The following APBB2 variants were observed in gnomAD, a reference collection of about 807,000 sequenced individuals.
APBB2 encodes the protein amyloid beta precursor protein binding family B member 2.
APBB2 carries 38 observed loss-of-function variants against 82.5 expected under a neutral mutation model. The ratio of observed to expected loss-of-function variants is 0.46; its 90% confidence interval spans 0.36 to 0.60. APBB2 has a LOEUF of 0.60. APBB2 is among the 20% of genes least tolerant of loss of function. The probability of loss-of-function intolerance (pLI) is 0.00; values close to 1 mark genes in which losing one functional copy is unlikely to be tolerated. For synonymous variants in APBB2, 341 were observed against 368.2 expected (o/e 0.93, Z 0.85); for missense variants, 772 against 972.3 (o/e 0.79, Z 2.74).
intron 3 of APBB2, among the ~76,000 whole-genome samples, chr4:41,068,872 T>C (rs1276663642): frequency 7.1e-6 from 1 of 141,102 alleles, no homozygotes; most frequent in African/African-American, 2.7e-5. Context: ...CTCAGCTTAC[T>C]GCAACCTCCG....
chr4:40,922,433 G>A (rs1310064960), intron 10 of APBB2, among the ~76,000 whole-genome samples: 1 of 152,200 alleles, frequency 6.6e-6, no homozygotes, highest in East Asian at 1.9e-4. Flanking sequence ...TGAAAATGTG[G>A]AAGGCTGACT....
At chr4:41,041,687 A>G (rs74911432) in intron 4 of APBB2, among the ~76,000 whole-genome samples, 2,055 of 152,314 alleles carry the variant, frequency 0.013, 51 homozygotes, top group African/African-American at 0.047. Context: ...AAAATACTTA[A>G]GGACATTGAT....
At chr4:41,208,116 C>A (rs1778408200) in intron 1 of APBB2, among the ~76,000 whole-genome samples, 1 of 152,216 alleles carries the variant, frequency 6.6e-6, no homozygotes, top group Admixed American at 6.5e-5. Context: ...ACTTACACGA[C>A]AGGGACACAT....
chr4:41,088,260 G>C (rs1256695346), intron 3 of APBB2, among the ~76,000 whole-genome samples: 4 of 152,154 alleles, frequency 2.6e-5, no homozygotes, highest in African/African-American at 9.7e-5. Context: ...CTAAAGGTCA[G>C]GAGTATTACC....
intron 6 of APBB2, among the ~76,000 whole-genome samples, chr4:41,001,464 G>A (rs1215043009): frequency 6.6e-6 from 1 of 152,198 alleles, no homozygotes; most frequent in Non-Finnish European, 1.5e-5. Flanking sequence ...TCTATATGAA[G>A]AATTCTTCAA....
intron 6 of APBB2, among the ~76,000 whole-genome samples, chr4:40,982,458 AAT>A (rs879473422): frequency 0.06 from 4,891 of 81,204 alleles, 764 homozygotes; most frequent in South Asian, 0.09. Context: ...AGAAAGAATG[AAT>A]GAATTTGAGA....
At chr4:41,166,997 G>A (rs1766848013) in intron 1 of APBB2, among the ~76,000 whole-genome samples, 2 of 152,178 alleles carry the variant, frequency 1.3e-5, no homozygotes, top group Non-Finnish European at 2.9e-5. Context: ...CTTCTGTCTT[G>A]GCTACAAATT....
At chr4:41,160,857 G>A (rs1330283693) in intron 1 of APBB2, among the ~76,000 whole-genome samples, 1 of 152,200 alleles carries the variant, frequency 6.6e-6, no homozygotes, top group East Asian at 1.9e-4. Context: ...ACCACTTATT[G>A]AACCATTACT....
At chr4:40,821,424 A>G (rs756602306) in intron 17 of APBB2, among the ~76,000 whole-genome samples, 30 of 150,126 alleles carry the variant, frequency 2.0e-4, no homozygotes, top group Non-Finnish European at 4.1e-4. Context: ...ACAACTACCT[A>G]ACAGAGTTGT....
chr4:40,935,345 G>A, intron 7 of APBB2: 1 of 511,678 alleles, frequency 2.0e-6, no homozygotes, highest in Non-Finnish European at 3.4e-6. Context: ...GAGAGTGATG[G>A]TGCTTTAATT....
chr4:41,082,434 G>A (rs1737980429), intron 3 of APBB2, among the ~76,000 whole-genome samples: 1 of 152,110 alleles, frequency 6.6e-6, no homozygotes, highest in Admixed American at 6.5e-5. Flanking sequence ...TATTTTCTTG[G>A]AGGATATATA....
At chr4:41,056,946 T>C (rs556295816) in intron 4 of APBB2, among the ~76,000 whole-genome samples, 3 of 152,210 alleles carry the variant, frequency 2.0e-5, no homozygotes, top group Non-Finnish European at 2.9e-5. Flanking sequence ...TTTATTGGTA[T>C]TGAGTTCCAA....
At chr4:41,003,863 C>A (rs1282370553) in intron 6 of APBB2, among the ~76,000 whole-genome samples, 1 of 152,186 alleles carries the variant, frequency 6.6e-6, no homozygotes. Context: ...CAGGCACCTG[C>A]CACCATGTCC....
chr4:41,020,208 C>T (rs1043279280), intron 5 of APBB2, among the ~76,000 whole-genome samples: 15 of 152,172 alleles, frequency 9.9e-5, no homozygotes, highest in Non-Finnish European at 1.9e-4. Context: ...GGGTGTAACC[C>T]GAAAGCACTG....
rs1415819462 is a variant in APBB2, at chr4:40,890,374, C to T, written c.1519G>A (p.Asp507Asn). 1.9e-6 allele frequency: 3 copies of T among 1,612,474 alleles called. No individual in the cohort carries two copies. Among genetic ancestry groups the T allele is most frequent in the Non-Finnish European group, 2.5e-6 (3 of 1,179,700 alleles). ...CACCCAGGGACTCACCGGCCATTGT[C>T]GCGGCCCACGCCCCACACGCGGATG... is the stretch of plus-strand genomic sequence containing the variant. Reference protein sequence around the residue: ...VSIRVWGVGRDNGRDFAYVAR... With the variant: ...VSIRVWGVGRNNGRDFAYVAR... The change falls in exon 12 of 18, where the codon GAC becomes AAC. Residue 507 changes from aspartate to asparagine, a missense_variant. By Grantham distance (23) the Asp-to-Asn change is conservative. Coordinates refer to ENST00000508593, the MANE Select transcript of APBB2 (RefSeq NM_004307.2).
intron 6 of APBB2, among the ~76,000 whole-genome samples, chr4:40,975,380 T>C (rs1476259214): frequency 6.6e-6 from 1 of 152,154 alleles, no homozygotes; most frequent in Non-Finnish European, 1.5e-5. Context: ...AAATTACTAA[T>C]CCAGTTCTCC....
intron 6 of APBB2, among the ~76,000 whole-genome samples, chr4:41,006,358 A>AT (rs1364427489): frequency 1.3e-5 from 2 of 152,258 alleles, no homozygotes; most frequent in Admixed American, 6.5e-5. Context: ...CTGAGAAGAC[A>AT]TAACAGGAAG....
At chr4:41,159,102 A>T (rs1167215630) in intron 1 of APBB2, among the ~76,000 whole-genome samples, 1 of 152,226 alleles carries the variant, frequency 6.6e-6, no homozygotes, top group Non-Finnish European at 1.5e-5. Context: ...TGTAGGAAGG[A>T]GTTCTCCACT....
At chr4:40,898,028 G>C (rs191411489) in intron 10 of APBB2, among the ~76,000 whole-genome samples, 64 of 152,250 alleles carry the variant, frequency 4.2e-4, no homozygotes, top group Admixed American at 3.4e-3. Context: ...ATGGTTCAGG[G>C]TAGAACCGTG....
Sources: gnomAD v4.1 joint callset for allele counts (sites outside exome capture counted in the v4.1 genomes callset) on GRCh38, gnomAD v4.1.1 for gene constraint, MANE v1.5 for transcripts, NCBI Gene and HGNC (gene_info 2026-07-23, HGNC 2026-07-21) for gene names.